Variants in TMEM267 observed in about 807,000 individuals in gnomAD.
TMEM267 encodes the protein transmembrane protein 267.
TMEM267 carries 20 observed loss-of-function variants against 19.3 expected under a neutral mutation model. The ratio of observed to expected loss-of-function variants is 1.04; its 90% confidence interval spans 0.73 to 1.51. TMEM267 has a LOEUF of 1.51. TMEM267 is among the 40% of genes most tolerant of loss of function. The pLI is 0.00. For synonymous variants in TMEM267, 88 were observed against 90.3 expected (o/e 0.97, Z 0.15); for missense variants, 242 against 261.9 (o/e 0.92, Z 0.52).
rs375224453 is a variant in TMEM267, at chr5:43,452,077, C to CAAAA, written c.312+1577_312+1580dup. On this transcript the variant is annotated intron_variant, in intron 2 of 2. Transcript: ENST00000397080. ...TGGGCATCACAGCAAGACCCTATCT[C>CAAAA]AAAAAAAAAAAAAAAAAAGAAAGAA... is the stretch of plus-strand genomic sequence containing the variant. 2.0e-3 allele frequency among the ~76,000 whole-genome samples: 177 copies of CAAAA among 86,488 alleles called. 2 individuals are homozygous for CAAAA. The highest frequency in any genetic ancestry group is 6.8e-3 in the African/African-American group (155 of 22,832). 56.7% of individuals were successfully genotyped at this position (86,488 alleles called of 152,430 possible).
At chr5:43,450,455 T>C (rs965720052) in intron 2 of TMEM267, among the ~76,000 whole-genome samples, 1 of 152,218 alleles carries the variant, frequency 6.6e-6, no homozygotes, top group Admixed American at 6.5e-5. Flanking sequence ...AATATTTTAA[T>C]ACTTAATTCA....
intron 1 of TMEM267, among the ~76,000 whole-genome samples, chr5:43,462,606 C>A (rs556592061): frequency 1.1e-4 from 17 of 152,188 alleles, no homozygotes; most frequent in African/African-American, 3.6e-4. Flanking sequence ...TAAACAGAAT[C>A]AAGCTGAAAT....
intron 1 of TMEM267, among the ~76,000 whole-genome samples, chr5:43,470,849 C>T (rs777747274): frequency 2.6e-5 from 4 of 151,938 alleles, no homozygotes; most frequent in Admixed American, 6.6e-5. Context: ...AACCTAAAGA[C>T]GCGACAAGAA....
chr5:43,462,625 T>A (rs1265243845), intron 1 of TMEM267, among the ~76,000 whole-genome samples: 3 of 152,106 alleles, frequency 2.0e-5, no homozygotes, highest in Non-Finnish European at 1.5e-5. Flanking sequence ...ATTCTGGAGC[T>A]GAAAAATGCA....
At chr5:43,471,455 A>G (rs1037834449) in intron 1 of TMEM267, among the ~76,000 whole-genome samples, 14 of 152,230 alleles carry the variant, frequency 9.2e-5, no homozygotes, top group African/African-American at 2.6e-4. Context: ...TAAAATTTAT[A>G]TGGACCCACA....
chr5:43,474,413 A>T (rs1744284686), intron 1 of TMEM267, among the ~76,000 whole-genome samples: 1 of 152,168 alleles, frequency 6.6e-6, no homozygotes, highest in Non-Finnish European at 1.5e-5. Flanking sequence ...TTACAAGAAA[A>T]AAGCAAACAA....
intron 2 of TMEM267, among the ~76,000 whole-genome samples, chr5:43,450,234 T>A (rs1561184264): frequency 6.6e-6 from 1 of 152,070 alleles, no homozygotes; most frequent in Non-Finnish European, 1.5e-5. Context: ...CCTCAAGTGA[T>A]CCTCCCATCT....
chr5:43,452,649 A>T (rs1214652324), intron 2 of TMEM267, among the ~76,000 whole-genome samples: 2 of 152,074 alleles, frequency 1.3e-5, no homozygotes, highest in Non-Finnish European at 2.9e-5. Context: ...ACCAGGATTC[A>T]AACTCAAGTC....
intron 1 of TMEM267, among the ~76,000 whole-genome samples, chr5:43,469,877 CG>C (rs1743959756): frequency 6.6e-6 from 1 of 152,150 alleles, no homozygotes; most frequent in Admixed American, 6.6e-5. Context: ...TTCACCCTGG[CG>C]ATGTAAACGG....
rs558536099 is a variant in TMEM267, at chr5:43,446,255, C to A, written c.615G>T (p.Met205Ile). The A allele has an allele frequency of 9.9e-6, 16 of 1,613,266 alleles. No individual in the cohort carries two copies. In the East Asian group the frequency reaches 3.3e-4, roughly 34 times the overall value. The change falls in exon 3 of 3, where the codon ATG becomes ATT. Residue 205 changes from methionine (M) to isoleucine (I), a missense_variant. Transcript: ENST00000397080. ...VMYLTGTRQM[M>I]SSKHGVRIDV ...CAATACGAACTCCATGTTTTGAAGACATCATTTGTCTGGTTCCTGTTAAAT... is the reference window on the plus strand; with the variant it reads ...CAATACGAACTCCATGTTTTGAAGAAATCATTTGTCTGGTTCCTGTTAAAT...
At chr5:43,479,348 T>A (rs892713257) in intron 1 of TMEM267, among the ~76,000 whole-genome samples, 2 of 152,004 alleles carry the variant, frequency 1.3e-5, no homozygotes, top group Non-Finnish European at 2.9e-5. Context: ...TTACTTTTTT[T>A]CCTTTTTTGA....
chr5:43,446,090 C>T lies in TMEM267; in HGVS notation c.*132G>A. Reference sequence around the variant, plus strand: ...AAAAAAGTTGTATACACTTCCTGAGCAAGAGGATTGCAGAATTATAATAAC... The same window carrying T: ...AAAAAAGTTGTATACACTTCCTGAGTAAGAGGATTGCAGAATTATAATAAC... On this transcript the variant is annotated 3_prime_UTR_variant, in exon 3 of 3. Coordinates refer to ENST00000397080, the MANE Select transcript of TMEM267 (RefSeq NM_022483.5). The T allele has an allele frequency of 1.7e-6, 1 of 579,876 alleles. No individual in the cohort carries two copies. Among genetic ancestry groups the T allele is most frequent in the Non-Finnish European group, 2.9e-6 (1 of 340,244 alleles). The allele number at this position is 579,876 out of a possible 1,614,324, so 35.9% of individuals were successfully genotyped here. A position where few individuals can be genotyped will look rare whatever the true frequency, so the allele number is the denominator to read the frequency against.
chr5:43,468,039 A>G (rs753254731), intron 1 of TMEM267, among the ~76,000 whole-genome samples: 10 of 150,000 alleles, frequency 6.7e-5, no homozygotes, highest in Non-Finnish European at 1.5e-4. Flanking sequence ...TTAGCCAGTG[A>G]CCAAGAGACA....
At chr5:43,452,896 A>C (rs1369293705) in intron 2 of TMEM267, among the ~76,000 whole-genome samples, 1 of 152,228 alleles carries the variant, frequency 6.6e-6, no homozygotes, top group Non-Finnish European at 1.5e-5. Flanking sequence ...GCCAGGGGTG[A>C]ATGAAACAGA....
At chr5:43,447,742 C>T (rs1349338111) in intron 2 of TMEM267, among the ~76,000 whole-genome samples, 1 of 152,180 alleles carries the variant, frequency 6.6e-6, no homozygotes, top group South Asian at 2.1e-4. Context: ...CTCTCTCACA[C>T]TTCCATCCAA....
At chr5:43,458,100 C>A (rs1014420994) in intron 1 of TMEM267, among the ~76,000 whole-genome samples, 1 of 151,816 alleles carries the variant, frequency 6.6e-6, no homozygotes, top group South Asian at 2.1e-4. Flanking sequence ...TTAAAAAATT[C>A]TTTCTTTCCT....
At chr5:43,461,927 G>A (rs1276330143) in intron 1 of TMEM267, among the ~76,000 whole-genome samples, 1 of 152,166 alleles carries the variant, frequency 6.6e-6, no homozygotes, top group African/African-American at 2.4e-5. Flanking sequence ...TAGAGTCCCA[G>A]GGCCTACAGC....
At chr5:43,471,512 T>A (rs1254925134) in intron 1 of TMEM267, among the ~76,000 whole-genome samples, 1 of 151,440 alleles carries the variant, frequency 6.6e-6, no homozygotes, top group Admixed American at 6.6e-5. Context: ...AGAACAAAAC[T>A]GGAAGAATCA....
chr5:43,472,327 T>C (rs1175722827), intron 1 of TMEM267, among the ~76,000 whole-genome samples: 1 of 152,172 alleles, frequency 6.6e-6, no homozygotes. Context: ...AGGGAAACCT[T>C]GTACTCTCTT....
Sources: gnomAD v4.1 joint callset for allele counts (sites outside exome capture counted in the v4.1 genomes callset) on GRCh38, gnomAD v4.1.1 for gene constraint, MANE v1.5 for transcripts, NCBI Gene and HGNC (gene_info 2026-07-23, HGNC 2026-07-21) for gene names.